The following ZNF462 variants were observed in gnomAD, a reference collection of about 807,000 sequenced individuals.
ZNF462 encodes zinc finger PBX1-interacting protein.
Under a neutral mutation model 201.9 loss-of-function variants are expected in ZNF462, and 10 were observed. The observed-to-expected ratio is 0.05, with a 90% CI of 0.03 to 0.08. The LOEUF (loss-of-function observed/expected upper bound fraction) is 0.08, where lower values mean the gene tolerates loss of function less well. Ranked by LOEUF, ZNF462 falls within the 10% of genes least tolerant of loss-of-function variation. ZNF462 has a pLI of 1.00. For synonymous variants in ZNF462, 1,227 were observed against 1,193.3 expected (o/e 1.03, Z -0.58); for missense variants, 2,523 against 3,168.3 (o/e 0.80, Z 4.89).
intron 7 of ZNF462, among the ~76,000 whole-genome samples, chr9:106,942,057 AC>A (rs1175194224): frequency 6.6e-6 from 1 of 152,216 alleles, no homozygotes; most frequent in South Asian, 2.1e-4. Flanking sequence ...GACAATGTGA[AC>A]ACACCAACCA....
intron 1 of ZNF462, among the ~76,000 whole-genome samples, chr9:106,914,001 CAG>C (rs1829661812): frequency 6.7e-6 from 1 of 148,828 alleles, no homozygotes; most frequent in South Asian, 2.3e-4. Flanking sequence ...CTAGGAAAGA[CAG>C]ACCAGTCACA....
Position 106,919,404 on chromosome 9 carries a change from T to C in ZNF462, c.-30-3950T>C, listed in dbSNP as rs934328358. ...TGAGGCAAATGGATCTCTGGAATTC[T>C]GAGCACAGAAAGTAGGTGGGCAGGT... On this transcript the variant is annotated intron_variant, in intron 1 of 12. Coordinates refer to ENST00000277225, the MANE Select transcript of ZNF462 (RefSeq NM_021224.6). This position sits in a 1 kb window ranked among gnomAD's most constrained non-coding sequence, Gnocchi z 4.5. Among the ~76,000 whole-genome samples the C allele has an allele frequency of 7.2e-5, 11 of 152,252 alleles. No homozygotes were observed. The highest frequency in any genetic ancestry group is 3.3e-4 in the Admixed American group (5 of 15,286).
At chr9:106,882,082 G>T (rs1828122755) in intron 1 of ZNF462, among the ~76,000 whole-genome samples, 1 of 152,168 alleles carries the variant, frequency 6.6e-6, no homozygotes, top group African/African-American at 2.4e-5. Flanking sequence ...AACTCTTCAT[G>T]TTGGTGTGCA....
chr9:106,923,435 G>A lies in ZNF462; in HGVS notation c.52G>A (p.Asp18Asn). Residue 18 changes from aspartate to asparagine, a missense_variant, in exon 2 of 13, where the codon GAT becomes AAT. Physicochemically the swap from Asp to Asn is conservative, Grantham distance 23. Around this residue, in one of 15 missense-constraint regions of ZNF462, gnomAD observed 480 missense variants for 544.4 expected, o/e 0.88. Coordinates refer to ENST00000277225, the MANE Select transcript of ZNF462 (RefSeq NM_021224.6). The surrounding 1 kb of genome is among the most constrained non-coding windows in gnomAD (Gnocchi z 5.6). ...TGATTTCCGAGCCCCGTCTTATGAA[G>A]ATCTCAAGGCACACATTCAGGATGT... is the stretch of plus-strand genomic sequence containing the variant. ...GCDFRAPSYE[D>N]LKAHIQDVHT... 4 of 1,614,188 alleles carry A rather than the reference G, an allele frequency of 2.5e-6. No individual in the cohort carries two copies. Among genetic ancestry groups the A allele is most frequent in the Non-Finnish European group, 3.4e-6 (4 of 1,180,044 alleles).
At position 106,929,390 on chromosome 9, in the gene ZNF462, A is replaced by G; in HGVS notation, c.5478A>G (p.Arg1826=). 6.2e-7 allele frequency: 1 copy of G among 1,614,130 alleles called. No individual in the cohort carries two copies. Among genetic ancestry groups the G allele is most frequent in the Non-Finnish European group, 8.5e-7 (1 of 1,180,030 alleles). The change falls in exon 3 of 13, where the codon AGA becomes AGG. Residue 1826 remains arginine, a synonymous_variant. Transcript: ENST00000277225. The surrounding 1 kb of genome is among the most constrained non-coding windows in gnomAD (Gnocchi z 8.7). ...CCACACTGATGGAAGAAGAGGAGAG[A>G]GGCAACTTTGAGAAAGCCGAGGTGG... ...EKPTLMEEEE[R]GNFEKAEVEG... is the part of the protein sequence containing the mutation.
At position 106,928,505 on chromosome 9, in the gene ZNF462, G is replaced by C; in HGVS notation, c.4593G>C (p.Leu1531=). Reference sequence around the variant, plus strand: ...TCAACACCCGCATCCACGGCGTACTGACCCACTACCAGAAGCGACACCCGT... The same window carrying C: ...TCAACACCCGCATCCACGGCGTACTCACCCACTACCAGAAGCGACACCCGT... The part of the protein sequence containing the change: ...PYINTRIHGV[L]THYQKRHPSI... Residue 1531 remains leucine (L), a synonymous_variant, in exon 3 of 13, where the codon CTG becomes CTC. Coordinates refer to ENST00000277225, the MANE Select transcript of ZNF462 (RefSeq NM_021224.6). The surrounding 1 kb of genome is among the most constrained non-coding windows in gnomAD (Gnocchi z 9.3). The C allele has an allele frequency of 1.2e-6, 2 of 1,614,132 alleles. No homozygotes were observed. The highest frequency in any genetic ancestry group is 1.7e-6 in the Non-Finnish European group (2 of 1,180,036).
At chr9:106,936,510 A>G (rs1365463051) in intron 6 of ZNF462, among the ~76,000 whole-genome samples, 6 of 152,216 alleles carry the variant, frequency 3.9e-5, no homozygotes, top group Admixed American at 3.9e-4. Context: ...TTAATGCAGT[A>G]AGATTACCCA....
chr9:106,896,604 A>T (rs1828823408), intron 1 of ZNF462, among the ~76,000 whole-genome samples: 1 of 152,172 alleles, frequency 6.6e-6, no homozygotes, highest in African/African-American at 2.4e-5. Context: ...TGGGGGATAG[A>T]AGGTAAAGTA....
At position 106,978,696 on chromosome 9, in the gene ZNF462, A is replaced by AT. The variant is rs938435283; in HGVS notation, c.6832+4424dup. The AT allele has an allele frequency of 6.6e-6, 1 of 152,120 alleles. No homozygotes were observed. The highest frequency in any genetic ancestry group is 2.4e-5 in the African/African-American group (1 of 40,848). 9.4% of individuals were successfully genotyped at this position (152,120 alleles called of 1,614,324 possible). ...CAAATATTTATTGAACACCCACTAT[A>AT]TGCCAGCCTTATTTTGTTTTTGGCT... On this transcript the variant is annotated intron_variant, in intron 9 of 12. Coordinates refer to ENST00000277225, the MANE Select transcript of ZNF462 (RefSeq NM_021224.6). This position sits in a 1 kb window ranked among gnomAD's most constrained non-coding sequence, Gnocchi z 4.1.
upstream of ZNF462, among the ~76,000 whole-genome samples, chr9:106,862,722 G>A (rs1210780504): frequency 2.0e-5 from 3 of 152,120 alleles, no homozygotes; most frequent in East Asian, 5.8e-4. The surrounding 1 kb of genome is among the most constrained non-coding windows in gnomAD (Gnocchi z 4.2). Flanking sequence ...GTTCAGCAGG[G>A]GGGAGGGGGA....
At position 106,932,028 on chromosome 9, in the gene ZNF462, C is replaced by T. The variant is rs772025719; in HGVS notation, c.6013-418C>T. 6.6e-6 allele frequency among the ~76,000 whole-genome samples: 1 copy of T among 152,124 alleles called. No homozygotes were observed. On this transcript the variant is annotated intron_variant, in intron 4 of 12. Transcript: ENST00000277225. This position sits in a 1 kb window ranked among gnomAD's most constrained non-coding sequence, Gnocchi z 6.8. ...GTGGGAGAAGCCCTTGTTCACATTT[C>T]GCAAACAGTAGCAACCTGTGTCCGG... is the stretch of plus-strand genomic sequence containing the variant.
chr9:106,874,226 G>C (rs960143792), intron 1 of ZNF462, among the ~76,000 whole-genome samples: 10 of 152,342 alleles, frequency 6.6e-5, no homozygotes, highest in Admixed American at 6.5e-4. Context: ...TAGAGGAATA[G>C]GGACTCCATT....
intron 10 of ZNF462, among the ~76,000 whole-genome samples, chr9:107,000,188 G>A (rs1216891637): frequency 2.0e-5 from 3 of 152,000 alleles, no homozygotes; most frequent in African/African-American, 4.8e-5. Context: ...CATATTCCAG[G>A]ACCTCAGTAA....
chr9:106,889,793 T>TACCACC (rs1290705484), intron 1 of ZNF462, among the ~76,000 whole-genome samples: 10 of 152,172 alleles, frequency 6.6e-5, no homozygotes, highest in Non-Finnish European at 1.5e-4. Context: ...TCTAACACAT[T>TACCACC]ACCACCACCA....
rs1320873627 is a variant in ZNF462 at position 107,005,142 on chromosome 9, T to C, written c.7189+1716T>C. Among the ~76,000 whole-genome samples, 1 of 152,194 alleles carries C rather than the reference T, an allele frequency of 6.6e-6. No individual in the cohort carries two copies. Among genetic ancestry groups the C allele is most frequent in the Non-Finnish European group, 1.5e-5 (1 of 68,024 alleles). ...GATGGACACCTAGCTTGATTACTTA[T>C]CTTGGTTATTATGAATAACCCTGCA... is the stretch of plus-strand genomic sequence containing the variant. On this transcript the variant is annotated intron_variant, in intron 11 of 12. Coordinates refer to ENST00000277225, the MANE Select transcript of ZNF462 (RefSeq NM_021224.6). This position sits in a 1 kb window ranked among gnomAD's most constrained non-coding sequence, Gnocchi z 4.4.
Position 106,926,886 on chromosome 9 carries a change from A to C in ZNF462, c.2974A>C (p.Thr992Pro). ...GGCTCCCAAGAACATGGCGACTTCCACACCTGTGGCTCGTGGTGGTGGTTT... is the reference window on the plus strand; with the variant it reads ...GGCTCCCAAGAACATGGCGACTTCCCCACCTGTGGCTCGTGGTGGTGGTTT... The part of the protein sequence containing the change: ...NSAPKNMATS[T>P]PVARGGGLPA... The change falls in exon 3 of 13, where the codon ACA becomes CCA. Residue 992 changes from threonine (T) to proline (P), a missense_variant. Transcript: ENST00000277225. The surrounding 1 kb of genome is among the most constrained non-coding windows in gnomAD (Gnocchi z 7.9). The C allele has an allele frequency of 1.2e-6, 2 of 1,614,182 alleles. No homozygotes were observed. The highest frequency in any genetic ancestry group is 1.1e-5 in the South Asian group (1 of 91,074).
In ZNF462 at chr9:106,938,303, T is replaced by TTTTACCCA. The variant is rs1374843392; in HGVS notation, c.6236-609_6236-602dup. On this transcript the variant is annotated intron_variant, in intron 6 of 12. Coordinates refer to ENST00000277225, the MANE Select transcript of ZNF462 (RefSeq NM_021224.6). The surrounding 1 kb of genome is among the most constrained non-coding windows in gnomAD (Gnocchi z 4.4). The stretch of plus-strand genomic sequence containing the variant: ...TCTCTTCCTTAGAGAAATGACTTAT[T>TTTTACCCA]TTTACCCATTTCTGTGCTATTGACT... Among the ~76,000 whole-genome samples the TTTTACCCA allele has an allele frequency of 6.6e-6, 1 of 152,296 alleles. No homozygotes were observed. The highest frequency in any genetic ancestry group is 1.9e-4 in the East Asian group (1 of 5,188).
chr9:106,944,790 C>T (rs1367212350), intron 7 of ZNF462, among the ~76,000 whole-genome samples: 1 of 152,164 alleles, frequency 6.6e-6, no homozygotes, highest in Non-Finnish European at 1.5e-5. Flanking sequence ...CTACATAGGA[C>T]ATAAGAATGT....
intron 7 of ZNF462, among the ~76,000 whole-genome samples, chr9:106,947,620 C>T (rs1831168175): frequency 1.3e-5 from 2 of 152,130 alleles, no homozygotes; most frequent in African/African-American, 4.8e-5. Context: ...ATGTCATCTG[C>T]TTTAATATGT....
Sources: allele counts gnomAD v4.1 joint callset (sites outside exome capture counted in the v4.1 genomes callset), GRCh38; gene constraint gnomAD v4.1.1; regional missense constraint gnomAD v4.1.1; non-coding constraint Gnocchi (gnomAD v3.1); transcripts MANE v1.5; gene names NCBI Gene and HGNC (gene_info 2026-07-23, HGNC 2026-07-21).